The following PPL variants were observed in gnomAD, a reference collection of about 807,000 sequenced individuals.
PPL encodes periplakin, also known as 190 kDa paraneoplastic pemphigus antigen.
PPL carries 198 observed loss-of-function variants against 194.4 expected under a neutral mutation model. The ratio of observed to expected loss-of-function variants is 1.02; its 90% CI spans 0.91 to 1.15. PPL has a LOEUF of 1.15. Among genes scored for constraint, PPL ranks in the 50% most tolerant of loss-of-function variants. PPL has a pLI of 0.00. For synonymous variants in PPL, 1,220 were observed against 972.4 expected (o/e 1.25, Z -4.74); for missense variants, 2,885 against 2,294.8 (o/e 1.26, Z -5.25).
At chr16:4,931,232 T>C in intron 1 of PPL, among the ~76,000 whole-genome samples, 1 of 152,050 alleles carries the variant, frequency 6.6e-6, no homozygotes. Context: ...CACGGTGGTG[T>C]GCACACCTGT....
rs889396569 is a variant in PPL, at chr16:4,884,358, C to T, written c.4297G>A (p.Glu1433Lys). 1 of 1,612,370 alleles carries T rather than the reference C, an allele frequency of 6.2e-7. No individual in the cohort carries two copies. The highest frequency in any genetic ancestry group is 8.5e-7 in the Non-Finnish European group (1 of 1,179,678). ...ACCTTCTCACGGGCCTCAGCTTCTT[C>T]CTGCTCCAGCGCTGCCAGCCGCTGC... ...LQQRLAALEQ[E>K]EAEAREKVTH... The change falls in exon 22 of 22, where the codon GAA becomes AAA. Residue 1433 changes from glutamate (E) to lysine (K), a missense_variant. Coordinates refer to ENST00000345988, the MANE Select transcript of PPL (RefSeq NM_002705.5). The surrounding 1 kb of genome is among the most constrained non-coding windows in gnomAD (Gnocchi z 5.7).
At position 4,902,971 on chromosome 16, in the gene PPL, G is replaced by A. The variant is rs1452438431; in HGVS notation, c.318-445C>T. Among the ~76,000 whole-genome samples, 1 of 152,070 alleles carries A rather than the reference G, an allele frequency of 6.6e-6. No homozygotes were observed. The highest frequency in any genetic ancestry group is 1.5e-5 in the Non-Finnish European group (1 of 68,008). On this transcript the variant is annotated intron_variant, in intron 3 of 21. Coordinates refer to ENST00000345988, the MANE Select transcript of PPL (RefSeq NM_002705.5). The surrounding 1 kb of genome is among the most constrained non-coding windows in gnomAD (Gnocchi z 4.0). Reference sequence around the variant, plus strand: ...CCCGAAGTGCTGGGATCACAGGCGTGAGCCACCGTGCCTGGCCCCACCCAC... The same window carrying A: ...CCCGAAGTGCTGGGATCACAGGCGTAAGCCACCGTGCCTGGCCCCACCCAC...
In PPL at chr16:4,895,720, G is replaced by A; in HGVS notation, c.973-4C>T. Reference sequence around the variant, plus strand: ...CGTCCTTCACGTCTTCGTGAAACTAGGGGAGAAGGTGGCTCTGTTACAGCC... The same window carrying A: ...CGTCCTTCACGTCTTCGTGAAACTAAGGGAGAAGGTGGCTCTGTTACAGCC... On this transcript the variant is annotated splice_region_variant and splice_polypyrimidine_tract_variant and intron_variant, in intron 9 of 21. Coordinates refer to ENST00000345988, the MANE Select transcript of PPL (RefSeq NM_002705.5). The A allele has an allele frequency of 6.2e-7, 1 of 1,613,812 alleles. No individual in the cohort carries two copies. Among genetic ancestry groups the A allele is most frequent in the Non-Finnish European group, 8.5e-7 (1 of 1,180,012 alleles).
At chr16:4,926,282 A>G (rs2089152697) in intron 1 of PPL, among the ~76,000 whole-genome samples, 1 of 152,146 alleles carries the variant, frequency 6.6e-6, no homozygotes. Context: ...CACTTTCTAG[A>G]TATTCAGTAA....
chr16:4,889,736 G>A (rs890512522), intron 18 of PPL, among the ~76,000 whole-genome samples: 1 of 152,230 alleles, frequency 6.6e-6, no homozygotes, highest in Non-Finnish European at 1.5e-5. Flanking sequence ...TTATGAGTGA[G>A]GAAAGCTTCT....
intron 8 of PPL, among the ~76,000 whole-genome samples, chr16:4,898,125 C>T (rs1049087828): frequency 1.3e-5 from 2 of 152,328 alleles, no homozygotes; most frequent in South Asian, 2.1e-4. Context: ...CACCTGTAAT[C>T]GCAGCACTTT....
In PPL at chr16:4,885,104, G is replaced by T. The variant is rs962485746; in HGVS notation, c.3551C>A (p.Ala1184Glu). The change falls in exon 22 of 22, where the codon GCG (alanine) becomes GAG (glutamate). Residue 1184 changes from alanine to glutamate, a missense_variant. By Grantham distance (107) the Ala-to-Glu change is moderately radical. Coordinates refer to ENST00000345988, the MANE Select transcript of PPL (RefSeq NM_002705.5). This position sits in a 1 kb window ranked among gnomAD's most constrained non-coding sequence, Gnocchi z 6.3. ...VREIVRPDPK[A>E]ESEVANLRLE... Reference sequence around the variant, plus strand: ...GCGGAGGTTCGCCACTTCACTTTCCGCCTTGGGGTCTGGCCGCACGATCTC... The same window carrying T: ...GCGGAGGTTCGCCACTTCACTTTCCTCCTTGGGGTCTGGCCGCACGATCTC... The T allele has an allele frequency of 6.2e-7, 1 of 1,613,784 alleles. No homozygotes were observed. Among genetic ancestry groups the T allele is most frequent in the Non-Finnish European group, 8.5e-7 (1 of 1,180,020 alleles).
rs751682995 is a variant in PPL, at chr16:4,899,061, C to T, written c.828G>A (p.Glu276=). ...GCTCGGCCGCCAGCAGCTGGTCGCC[C>T]TCGCTGTGCAGTTTGTTGATTCTCT... ...KEERINKLHS[E]GDQLLAAEHP... is the part of the protein sequence containing the mutation. The change falls in exon 8 of 22, where the codon GAG becomes GAA. Residue 276 remains glutamate, a synonymous_variant. Transcript: ENST00000345988. 1.2e-6 allele frequency: 2 copies of T among 1,613,228 alleles called. No homozygotes were observed. Among genetic ancestry groups the T allele is most frequent in the Non-Finnish European group, 1.7e-6 (2 of 1,179,604 alleles).
chr16:4,931,554 G>A (rs765814399), intron 1 of PPL, among the ~76,000 whole-genome samples: 9 of 152,132 alleles, frequency 5.9e-5, no homozygotes, highest in Admixed American at 2.6e-4. Flanking sequence ...TTCCCCATTC[G>A]CTCCCAAGAC....
intron 5 of PPL, 34 bp downstream of exon 5, chr16:4,900,930 C>T: frequency 6.2e-7 from 1 of 1,614,012 alleles, no homozygotes; most frequent in Non-Finnish European, 8.5e-7. Flanking sequence ...CCCCCTCCAT[C>T]CCTGGGTCCC....
intron 1 of PPL, among the ~76,000 whole-genome samples, chr16:4,933,851 G>C (rs2089257123): frequency 1.3e-5 from 2 of 152,196 alleles, no homozygotes; most frequent in Admixed American, 6.5e-5. Flanking sequence ...ATGATATCAA[G>C]TTTAACCCTG....
At chr16:4,915,795 G>C (rs1596574862) in intron 1 of PPL, among the ~76,000 whole-genome samples, 2 of 152,306 alleles carry the variant, frequency 1.3e-5, no homozygotes, top group Middle Eastern at 6.8e-3. Context: ...TAGCATGGTA[G>C]GTAATTGTAT....
Position 4,883,641 on chromosome 16 carries a change from C to G in PPL, c.5014G>C (p.Glu1672Gln), listed in dbSNP as rs1010330190. 4 of 1,614,102 alleles carry G rather than the reference C, an allele frequency of 2.5e-6. No homozygotes were observed. The highest frequency in any genetic ancestry group is 2.7e-5 in the African/African-American group (2 of 74,942). ...ATGAGCCCGGCACGGTGGGCTTCCT[C>G]CGGGGACAGCTCGCGGCCTGTGTCA... is the stretch of plus-strand genomic sequence containing the variant. ...HPDTGRELSP[E>Q]EAHRAGLIDW... The change falls in exon 22 of 22, where the codon GAG (glutamate) becomes CAG (glutamine). Residue 1672 changes from glutamate (E) to glutamine (Q), a missense_variant. By Grantham distance (29) the Glu-to-Gln change is conservative (BLOSUM62 2). Transcript: ENST00000345988. The surrounding 1 kb of genome is among the most constrained non-coding windows in gnomAD (Gnocchi z 4.8).
rs139111521 is a variant in PPL at position 4,933,674 on chromosome 16, C to T, written c.62+3310G>A. On this transcript the variant is annotated intron_variant, in intron 1 of 21. Transcript: ENST00000345988. Reference sequence around the variant, plus strand: ...TTGCTCCTGCCTGGCCCCATCAGTCCGACGCTCATGTAACCATACATGTAC... The same window carrying T: ...TTGCTCCTGCCTGGCCCCATCAGTCTGACGCTCATGTAACCATACATGTAC... 3.5e-3 allele frequency among the ~76,000 whole-genome samples: 535 copies of T among 152,238 alleles called. 5 individuals carry two copies. The highest frequency in any genetic ancestry group is 0.012 in the African/African-American group (510 of 41,528).
intron 1 of PPL, among the ~76,000 whole-genome samples, chr16:4,921,610 A>T (rs1480798869): frequency 1.3e-5 from 2 of 152,068 alleles, no homozygotes; most frequent in African/African-American, 4.8e-5. Flanking sequence ...GGAATTACAG[A>T]CATGCACCAC....
rs368801921 is a variant in PPL, at chr16:4,902,091, G to A, written c.438+315C>T. 7.9e-5 allele frequency among the ~76,000 whole-genome samples: 12 copies of A among 152,300 alleles called. No homozygotes were observed. The highest frequency in any genetic ancestry group is 5.2e-4 in the Admixed American group (8 of 15,306). Reference sequence around the variant, plus strand: ...ACAGGCCAGAAGCCTGGCCGCTTCCGCCCCAGCCTGCCCACAAAATGTCAC... The same window carrying A: ...ACAGGCCAGAAGCCTGGCCGCTTCCACCCCAGCCTGCCCACAAAATGTCAC... On this transcript the variant is annotated intron_variant, in intron 4 of 21. Coordinates refer to ENST00000345988, the MANE Select transcript of PPL (RefSeq NM_002705.5). This position sits in a 1 kb window ranked among gnomAD's most constrained non-coding sequence, Gnocchi z 4.0.
intron 2 of PPL, among the ~76,000 whole-genome samples, chr16:4,907,765 ATAG>A (rs1429100183): frequency 6.6e-6 from 1 of 152,244 alleles, no homozygotes; most frequent in Non-Finnish European, 1.5e-5. Flanking sequence ...AATGAAATAA[ATAG>A]TAGTATCTTT....
chr16:4,899,524 T>TATGGGTGGCCTGAGGACAAGCC, intron 6 of PPL, 140 bp from the exon 7 acceptor site: 2 of 884,802 alleles, frequency 2.3e-6, no homozygotes, highest in South Asian at 1.8e-5. Flanking sequence ...CAAGCCCAGC[T>TATGGGTGGCCTGAGGACAAGCC]TAGCCACGTC....
At chr16:4,924,177 C>A (rs117476517) in intron 1 of PPL, among the ~76,000 whole-genome samples, 1 of 152,106 alleles carries the variant, frequency 6.6e-6, no homozygotes, top group East Asian at 1.9e-4. Context: ...CTAGTAGCCA[C>A]GTGAAAAGAG....
Sources: gnomAD v4.1 joint callset for allele counts (sites outside exome capture counted in the v4.1 genomes callset) on GRCh38, gnomAD v4.1.1 for gene constraint, Gnocchi (gnomAD v3.1) non-coding constraint, MANE v1.5 for transcripts, NCBI Gene and HGNC (gene_info 2026-07-23, HGNC 2026-07-21) for gene names.